CELF2: variants seen among roughly 807,000 people sequenced by gnomAD.
CELF2 encodes the protein CUG triplet repeat RNA-binding protein 2.
In CELF2, 8 loss-of-function variants were observed where a neutral mutation model predicts 62.6. That is an observed-to-expected ratio of 0.13 (90% CI 0.07 to 0.23). The LOEUF (loss-of-function observed/expected upper bound fraction) is 0.23, where lower values mean the gene tolerates loss of function less well. Ranked by LOEUF, CELF2 falls within the 10% of genes least tolerant of loss-of-function variation. The probability of loss-of-function intolerance (pLI) is 1.00; values close to 1 mark genes in which losing one functional copy is unlikely to be tolerated. For missense variants in CELF2, 333 were observed against 671.0 expected (o/e 0.50, Z 5.56); for synonymous variants, 258 against 250.0 (o/e 1.03, Z -0.30).
chr10:10,684,545 C>G, the CELF2 span, among the ~76,000 whole-genome samples: 1 of 152,018 alleles, frequency 6.6e-6, no homozygotes, highest in African/African-American at 2.4e-5. Flanking sequence ...GAATTCAAGA[C>G]CAGCCTAGGG....
chr10:11,111,278 CTG>C (rs1220320072), intron 1 of CELF2, among the ~76,000 whole-genome samples: 1 of 152,162 alleles, frequency 6.6e-6, no homozygotes, highest in Non-Finnish European at 1.5e-5. Context: ...CCAAACAAAA[CTG>C]TTGAACAACT....
At position 11,255,885 on chromosome 10, in the gene CELF2, C is replaced by T. The variant is rs572101019; in HGVS notation, c.404-1853C>T. On this transcript the variant is annotated intron_variant, in intron 4 of 12. Coordinates refer to ENST00000633077, the MANE Select transcript of CELF2 (RefSeq NM_001326342.2). The surrounding 1 kb of genome is among the most constrained non-coding windows in gnomAD (Gnocchi z 5.5). ...CCTAGAACCTTGGTCTTCTAATCACCGCCATTGCTCTCCCCTTCAAGCCTT... is the reference window on the plus strand; with the variant it reads ...CCTAGAACCTTGGTCTTCTAATCACTGCCATTGCTCTCCCCTTCAAGCCTT... Among the ~76,000 whole-genome samples, 21 of 152,290 alleles carry T rather than the reference C, an allele frequency of 1.4e-4. No individual in the cohort carries two copies. Among genetic ancestry groups the T allele is most frequent in the Non-Finnish European group, 2.6e-4 (18 of 68,020 alleles).
intron 1 of CELF2, among the ~76,000 whole-genome samples, chr10:10,826,374 T>A (rs191367479): frequency 1.1e-3 from 166 of 152,308 alleles, no homozygotes; most frequent in African/African-American, 3.8e-3. Flanking sequence ...TCAGACACAA[T>A]GGTTTATGAC....
chr10:11,235,796 G>C (rs2071002258), intron 3 of CELF2, among the ~76,000 whole-genome samples: 1 of 148,198 alleles, frequency 6.7e-6, no homozygotes, highest in Non-Finnish European at 1.5e-5. Flanking sequence ...ATTTTTAGGA[G>C]AGAAGTTTTT....
the CELF2 span, among the ~76,000 whole-genome samples, chr10:10,647,186 C>T: frequency 2.5e-4 from 38 of 152,144 alleles, 1 homozygote; most frequent in Non-Finnish European, 2.8e-4. Context: ...TTCCTTAACT[C>T]CCTTTGTGTC....
chr10:10,535,814 T>G, the CELF2 span, among the ~76,000 whole-genome samples: 1 of 152,012 alleles, frequency 6.6e-6, no homozygotes, highest in South Asian at 2.1e-4. Flanking sequence ...GGGAGGGAAT[T>G]TGTGGTCAGA....
chr10:10,737,589 G>C, the CELF2 span, among the ~76,000 whole-genome samples: 1 of 151,964 alleles, frequency 6.6e-6, no homozygotes, highest in Non-Finnish European at 1.5e-5. Context: ...TCCAGCAAGG[G>C]GGGAAGCTTT....
At chr10:10,749,359 C>T in the CELF2 span, among the ~76,000 whole-genome samples, 1 of 152,138 alleles carries the variant, frequency 6.6e-6, no homozygotes, top group Non-Finnish European at 1.5e-5. Context: ...GGGGAACAAG[C>T]TGAGGGTACT....
At chr10:10,494,640 T>C in the CELF2 span, among the ~76,000 whole-genome samples, 31 of 152,320 alleles carry the variant, frequency 2.0e-4, 1 homozygote, top group East Asian at 5.2e-3. Flanking sequence ...CTCAGCATAA[T>C]CTTCTTCAGT....
rs1260067198 is a variant in CELF2 at position 11,191,756 on chromosome 10, G to C, written c.272-25669G>C. 6.6e-6 allele frequency among the ~76,000 whole-genome samples: 1 copy of C among 152,190 alleles called. No individual in the cohort carries two copies. The highest frequency in any genetic ancestry group is 2.4e-5 in the African/African-American group (1 of 41,452). ...TAGTTACATAATGGTTATCTCATTG[G>C]TGTTTAGATTTCTGAACAAAACGAT... On this transcript the variant is annotated intron_variant, in intron 2 of 12. Transcript: ENST00000633077. This position sits in a 1 kb window ranked among gnomAD's most constrained non-coding sequence, Gnocchi z 4.1.
intron 1 of CELF2, among the ~76,000 whole-genome samples, chr10:10,877,773 G>C (rs751326558): frequency 6.6e-6 from 1 of 152,220 alleles, no homozygotes; most frequent in Non-Finnish European, 1.5e-5. Context: ...GCCATCCTTA[G>C]AGGAGGCTGA....
chr10:10,511,308 G>C, the CELF2 span, among the ~76,000 whole-genome samples: 3 of 152,096 alleles, frequency 2.0e-5, no homozygotes, highest in African/African-American at 7.2e-5. Flanking sequence ...CCACTGGAGA[G>C]ACTGAGGCAG....
At chr10:10,479,445 G>C in the CELF2 span, among the ~76,000 whole-genome samples, 1 of 152,164 alleles carries the variant, frequency 6.6e-6, no homozygotes, top group East Asian at 1.9e-4. Context: ...GGGATTACAG[G>C]CATGAGCCAC....
rs889811318 is a variant in CELF2 at position 11,218,661 on chromosome 10, A to G, written c.354+1154A>G. Among the ~76,000 whole-genome samples the G allele has an allele frequency of 3.3e-5, 5 of 152,362 alleles. No individual in the cohort carries two copies. The South Asian group carries it at 1.0e-3, about 32-fold the overall frequency. ...ATTCCCCTTTGTATGCGAGGAAATC[A>G]AAGAATAGAAGGTTCGAAGAAGCAA... On this transcript the variant is annotated intron_variant, in intron 3 of 12. Coordinates refer to ENST00000633077, the MANE Select transcript of CELF2 (RefSeq NM_001326342.2).
At chr10:10,842,673 A>G (rs186337565) in intron 1 of CELF2, among the ~76,000 whole-genome samples, 1 of 152,104 alleles carries the variant, frequency 6.6e-6, no homozygotes, top group East Asian at 1.9e-4. Context: ...TTTTTTACAG[A>G]TTATTGAATT....
chr10:10,547,669 AAGAT>A, the CELF2 span, among the ~76,000 whole-genome samples: 4 of 99,816 alleles, frequency 4.0e-5, no homozygotes, highest in African/African-American at 8.9e-5. Flanking sequence ...CAACACCAAA[AAGAT>A]AGAGAGAGAG....
intron 8 of CELF2, among the ~76,000 whole-genome samples, chr10:11,277,528 C>T (rs983313340): frequency 6.6e-6 from 1 of 152,242 alleles, no homozygotes; most frequent in African/African-American, 2.4e-5. Flanking sequence ...CTAAGAGCTG[C>T]TCATGAGTAT....
rs1482730197 is a variant in CELF2 at position 11,333,124 on chromosome 10, A to G, written c.*4071A>G. ...CACCTGCATGCATCTCCCCCAGAGG[A>G]AACACTGAGGGTAGGGGACAGGAGG... is the stretch of plus-strand genomic sequence containing the variant. On this transcript the variant is annotated 3_prime_UTR_variant, in exon 13 of 13. Transcript: ENST00000633077. 6.6e-6 allele frequency: 1 copy of G among 152,198 alleles called. No individual in the cohort carries two copies. The highest frequency in any genetic ancestry group is 2.4e-5 in the African/African-American group (1 of 41,424). The allele number at this position is 152,198 out of a possible 1,614,324, so 9.4% of individuals were successfully genotyped here. A position where few individuals can be genotyped will look rare whatever the true frequency, so the allele number is the denominator to read the frequency against.
intron 1 of CELF2, among the ~76,000 whole-genome samples, chr10:10,858,243 G>T (rs968669632): frequency 2.0e-5 from 3 of 152,120 alleles, no homozygotes; most frequent in Non-Finnish European, 4.4e-5. Context: ...GGAAAATGTT[G>T]CCTGAGGGAT....
Sources: allele counts gnomAD v4.1 joint callset (sites outside exome capture counted in the v4.1 genomes callset), GRCh38; gene constraint gnomAD v4.1.1; non-coding constraint Gnocchi (gnomAD v3.1); transcripts MANE v1.5; gene names NCBI Gene and HGNC (gene_info 2026-07-23, HGNC 2026-07-21).